The following PCNX2 variants were observed in gnomAD, a reference collection of about 807,000 sequenced individuals.
PCNX2 encodes pecanex 2.
PCNX2 carries 168 observed loss-of-function variants against 223.8 expected under a neutral mutation model. That is an observed-to-expected ratio of 0.75 (90% CI 0.66 to 0.85). PCNX2 has a LOEUF of 0.85. Ranked by LOEUF, PCNX2 falls within the 40% of genes least tolerant of loss-of-function variation. The pLI is 0.00. For synonymous variants in PCNX2, 1,006 were observed against 1,052.6 expected (o/e 0.96, Z 0.86); for missense variants, 2,507 against 2,675.5 (o/e 0.94, Z 1.39).
At chr1:233,102,702 AATT>A (rs2102961402) in intron 21 of PCNX2, among the ~76,000 whole-genome samples, 1 of 152,066 alleles carries the variant, frequency 6.6e-6, no homozygotes, top group South Asian at 2.1e-4. Context: ...CCCATTTCTA[AATT>A]GTTATTAATT....
At chr1:233,123,310 G>A (rs12759987) in intron 21 of PCNX2, among the ~76,000 whole-genome samples, 2 of 152,046 alleles carry the variant, frequency 1.3e-5, no homozygotes, top group East Asian at 3.9e-4. Flanking sequence ...GGCCGGGCGC[G>A]GTGGCTCACA....
chr1:233,087,219 G>A, intron 23 of PCNX2: 1 of 985,336 alleles, frequency 1.0e-6, no homozygotes, highest in Non-Finnish European at 1.2e-6. Flanking sequence ...AGCTTTAAAA[G>A]ATCTGCAATA....
At chr1:233,297,350 G>A (rs1475754729), upstream of PCNX2, among the ~76,000 whole-genome samples, 2 of 152,178 alleles carry the variant, frequency 1.3e-5, no homozygotes, top group Non-Finnish European at 2.9e-5. Context: ...TACCATGAAG[G>A]AGTTAATAAA....
chr1:233,307,493 T>G, the PCNX2 span, among the ~76,000 whole-genome samples: 1 of 152,206 alleles, frequency 6.6e-6, no homozygotes, highest in African/African-American at 2.4e-5. Context: ...GCTAGCTCCA[T>G]GCCCCTTGTA....
chr1:233,156,682 C>A (rs1297767), intron 19 of PCNX2, among the ~76,000 whole-genome samples: 92,840 of 151,924 alleles, frequency 0.61, 28,547 homozygotes, highest in South Asian at 0.68. Context: ...CTTTGGGAGA[C>A]CAAGGCGGGC....
intron 17 of PCNX2, among the ~76,000 whole-genome samples, chr1:233,171,735 C>T (rs999420151): frequency 2.0e-5 from 3 of 152,154 alleles, no homozygotes; most frequent in African/African-American, 7.2e-5. Context: ...TTCATCAATT[C>T]TGGTAAACTC....
chr1:233,040,515 T>A (rs568856384), intron 25 of PCNX2, among the ~76,000 whole-genome samples: 1 of 151,790 alleles, frequency 6.6e-6, no homozygotes, highest in African/African-American at 2.4e-5. Flanking sequence ...CTTTCACACA[T>A]GTCTCCCACC....
chr1:233,146,437 A>G (rs1442928376), intron 19 of PCNX2, among the ~76,000 whole-genome samples: 3 of 152,206 alleles, frequency 2.0e-5, no homozygotes, highest in Non-Finnish European at 4.4e-5. Flanking sequence ...CGTATTAAAC[A>G]ACATTTCCTA....
chr1:233,023,552 A>T (rs182325037), intron 26 of PCNX2, among the ~76,000 whole-genome samples: 2 of 152,354 alleles, frequency 1.3e-5, no homozygotes, highest in Non-Finnish European at 1.5e-5. Flanking sequence ...AAGAGAAATA[A>T]GCTTCTAACA....
At chr1:233,088,761 T>TG (rs1375425787) in intron 23 of PCNX2, among the ~76,000 whole-genome samples, 3 of 152,164 alleles carry the variant, frequency 2.0e-5, no homozygotes, top group African/African-American at 7.2e-5. Context: ...CCCCGAGTCA[T>TG]GGTAAACACC....
At chr1:232,985,984 G>T (rs1669459694) in intron 33 of PCNX2, 108 bp downstream of exon 33, 1 of 1,212,468 alleles carries the variant, frequency 8.2e-7, no homozygotes. Context: ...AGAAGGGGAT[G>T]GGGTTCTGCA....
At chr1:233,195,763 T>C (rs1483722055) in intron 15 of PCNX2, among the ~76,000 whole-genome samples, 1 of 152,170 alleles carries the variant, frequency 6.6e-6, no homozygotes, top group Non-Finnish European at 1.5e-5. Flanking sequence ...ACTCCTGACC[T>C]GAGAACGAAG....
At chr1:233,129,804 C>T (rs1676351891) in intron 21 of PCNX2, among the ~76,000 whole-genome samples, 4 of 152,180 alleles carry the variant, frequency 2.6e-5, no homozygotes, top group Admixed American at 2.6e-4. Context: ...ATAAACCAGA[C>T]CAATCAGCTC....
intron 23 of PCNX2, among the ~76,000 whole-genome samples, chr1:233,064,481 C>T (rs533227879): frequency 3.9e-5 from 6 of 152,296 alleles, no homozygotes; most frequent in South Asian, 2.1e-4. Context: ...ATGGGGAAGA[C>T]CTTCAGGGCT....
chr1:233,164,630 TATATA>T (rs1314892714), intron 17 of PCNX2, among the ~76,000 whole-genome samples: 2 of 24,834 alleles, frequency 8.1e-5, no homozygotes, highest in Non-Finnish European at 2.2e-4. Context: ...ATATATATCA[TATATA>T]GAAAATATAT....
intron 25 of PCNX2, among the ~76,000 whole-genome samples, chr1:233,049,153 C>A (rs1004509853): frequency 6.6e-6 from 1 of 152,070 alleles, no homozygotes; most frequent in African/African-American, 2.4e-5. Flanking sequence ...TAGCATCACC[C>A]TGATACCAAA....
At chr1:233,230,080 G>A (rs1387791982) in intron 9 of PCNX2, among the ~76,000 whole-genome samples, 6 of 152,172 alleles carry the variant, frequency 3.9e-5, no homozygotes, top group Non-Finnish European at 5.9e-5. Flanking sequence ...TGTAATATAT[G>A]TTGAAAACTG....
At chr1:233,100,053 A>G (rs74591501) in intron 21 of PCNX2, among the ~76,000 whole-genome samples, 1,556 of 152,340 alleles carry the variant, frequency 0.01, 30 homozygotes, top group African/African-American at 0.036. Context: ...AAGTTACTGG[A>G]ATATAAGAGA....
Position 233,009,723 on chromosome 1 carries a change from T to C in PCNX2, c.4952+4942A>G, listed in dbSNP as rs147250139. ...GATCTAGAGAGTCCATGTCACTGGT[T>C]TGCGATGGAGCTTGGGGTCTGTATT... On this transcript the variant is annotated intron_variant, in intron 28 of 33. Coordinates refer to ENST00000258229, the MANE Select transcript of PCNX2 (RefSeq NM_014801.4). Among the ~76,000 whole-genome samples the C allele has an allele frequency of 2.2e-3, 340 of 152,282 alleles. 1 individual carries two copies. The highest frequency in any genetic ancestry group is 6.2e-3 in the African/African-American group (258 of 41,534).
Sources: allele counts gnomAD v4.1 joint callset (sites outside exome capture counted in the v4.1 genomes callset), GRCh38; gene constraint gnomAD v4.1.1; transcripts MANE v1.5; gene names NCBI Gene and HGNC (gene_info 2026-07-23, HGNC 2026-07-21).